The following E2F7 variants were observed in gnomAD, a reference collection of about 807,000 sequenced individuals.
E2F7 encodes transcription factor E2F7.
In E2F7, 35 loss-of-function variants were observed where a neutral mutation model predicts 81.1. That is an observed-to-expected ratio of 0.43 (90% CI 0.33 to 0.57). The LOEUF (loss-of-function observed/expected upper bound fraction) is 0.57, where lower values mean the gene tolerates loss of function less well. Ranked by LOEUF, E2F7 falls within the 20% of genes least tolerant of loss-of-function variation. E2F7 has a pLI of 0.04. For missense variants in E2F7, 961 were observed against 1,093.7 expected (o/e 0.88, Z 1.71); for synonymous variants, 416 against 416.2 (o/e 1.00, Z 0.01).
At chr12:77,024,544 A>G (rs962196443) in intron 12 of E2F7, among the ~76,000 whole-genome samples, 2 of 152,184 alleles carry the variant, frequency 1.3e-5, no homozygotes, top group African/African-American at 2.4e-5. Context: ...TAGGAATTAA[A>G]TAAGATAATT....
At position 77,055,985 on chromosome 12, in the gene E2F7, G is replaced by T; in HGVS notation, c.239C>A (p.Pro80Gln). The change falls in exon 3 of 13, where the codon CCA (proline) becomes CAA (glutamine). Residue 80 changes from proline to glutamine, a missense_variant. Pro to Gln is a moderately conservative substitution (Grantham distance 76). Around this residue, in one of 3 missense-constraint regions of E2F7, gnomAD observed 301 missense variants for 405.0 expected, o/e 0.74. Transcript: ENST00000322886. ...VKFVDRQQAE[P>Q]WTPTANLKML... ...CTTCAGGTTAGCTGTGGGTGTCCAT[G>T]GTTCCGCTTGCTGTCTGTCAACAAA... 1 of 1,614,176 alleles carries T rather than the reference G, an allele frequency of 6.2e-7. No individual in the cohort carries two copies. Among genetic ancestry groups the T allele is most frequent in the Non-Finnish European group, 8.5e-7 (1 of 1,180,032 alleles).
At chr12:77,051,512 A>G (rs1954988420) in intron 3 of E2F7, among the ~76,000 whole-genome samples, 1 of 152,176 alleles carries the variant, frequency 6.6e-6, no homozygotes, top group South Asian at 2.1e-4. Flanking sequence ...GGGGAGGGAT[A>G]GCATTAGGAG....
chr12:77,042,978 G>C, intron 7 of E2F7, 87 bp downstream of exon 7: 1 of 1,588,834 alleles, frequency 6.3e-7, no homozygotes, highest in Non-Finnish European at 8.6e-7. Flanking sequence ...AAAAAGATCA[G>C]TCTCACTGTG....
chr12:77,024,576 G>A (rs144898542), intron 12 of E2F7, among the ~76,000 whole-genome samples: 6 of 152,312 alleles, frequency 3.9e-5, no homozygotes, highest in Non-Finnish European at 8.8e-5. Flanking sequence ...TAGAGCATGT[G>A]AGGCCAACAT....
intron 10 of E2F7, among the ~76,000 whole-genome samples, chr12:77,029,241 C>A (rs1253691869): frequency 6.6e-6 from 1 of 152,182 alleles, no homozygotes; most frequent in Non-Finnish European, 1.5e-5. Flanking sequence ...CCCAGCCTAC[C>A]TACTGCAGAC....
At chr12:77,040,135 T>C (rs904052350) in intron 7 of E2F7, among the ~76,000 whole-genome samples, 1 of 152,218 alleles carries the variant, frequency 6.6e-6, no homozygotes, top group African/African-American at 2.4e-5. Flanking sequence ...CATAAGCTGA[T>C]CAATATATGA....
Position 77,023,365 on chromosome 12 carries a change from AC to A in E2F7, c.*649del, listed in dbSNP as rs1356498433. Reference sequence around the variant, plus strand: ...GTCATTCACAGTTATTTTGGTCTTGACATGTGTCATGTAGATACATTTATCC... The same window carrying A: ...GTCATTCACAGTTATTTTGGTCTTGAATGTGTCATGTAGATACATTTATCC... On this transcript the variant is annotated 3_prime_UTR_variant, in exon 13 of 13. Coordinates refer to ENST00000322886, the MANE Select transcript of E2F7 (RefSeq NM_203394.3). 2 of 152,658 alleles carry A rather than the reference AC, an allele frequency of 1.3e-5. No homozygotes were observed. The highest frequency in any genetic ancestry group is 4.8e-5 in the African/African-American group (2 of 41,436). The allele number at this position is 152,658 out of a possible 1,614,324, so 9.5% of individuals were successfully genotyped here.
At chr12:77,037,923 A>G (rs1399138920) in intron 7 of E2F7, among the ~76,000 whole-genome samples, 1 of 152,182 alleles carries the variant, frequency 6.6e-6, no homozygotes, top group Non-Finnish European at 1.5e-5. Context: ...ACTCACATTA[A>G]ATAGAGACAG....
At position 77,024,202 on chromosome 12, in the gene E2F7, G is replaced by A. The variant is rs1565891656; in HGVS notation, c.2566-17C>T. On this transcript the variant is annotated splice_polypyrimidine_tract_variant and intron_variant, in intron 12 of 12. Transcript: ENST00000322886. ...AACTGGTGACTGAAAAAAGAAAAAA[G>A]AAAAAACAGAAGTGAAGTCATATTG... 8 of 1,606,654 alleles carry A rather than the reference G, an allele frequency of 5.0e-6. No homozygotes were observed. In the Admixed American group the frequency reaches 5.2e-5, roughly 10 times the overall value.
chr12:77,051,604 T>C (rs1339720793), intron 3 of E2F7, among the ~76,000 whole-genome samples: 2 of 152,152 alleles, frequency 1.3e-5, no homozygotes, highest in African/African-American at 4.8e-5. Context: ...ACCTGCACAC[T>C]GTGCACATGT....
chr12:77,056,986 G>A (rs918460907), intron 2 of E2F7, among the ~76,000 whole-genome samples: 10 of 150,916 alleles, frequency 6.6e-5, no homozygotes, highest in Non-Finnish European at 1.0e-4. Flanking sequence ...TCCTGGGCAC[G>A]TGCAATCTTC....
At chr12:77,056,887 A>C (rs310793) in intron 2 of E2F7, among the ~76,000 whole-genome samples, 56,468 of 147,700 alleles carry the variant, frequency 0.38, 11,207 homozygotes, top group South Asian at 0.45. Context: ...TATTTTTCTT[A>C]CTTTTTTTTT....
Position 77,030,237 on chromosome 12 carries a change from C to T in E2F7, c.1478G>A (p.Cys493Tyr). Residue 493 changes from cysteine to tyrosine, a missense_variant, in exon 10 of 13, where the codon TGT becomes TAT. Coordinates refer to ENST00000322886, the MANE Select transcript of E2F7 (RefSeq NM_203394.3). Reference protein sequence around the residue: ...FPVLSVDPEYCVNPLAHPVFS... With the variant: ...FPVLSVDPEYYVNPLAHPVFS... ...TACTGGGTGGGCTAAAGGATTAACA[C>T]AATATTCTGGGTCAACAGAGAGGAC... 1.2e-6 allele frequency: 2 copies of T among 1,613,686 alleles called. No individual in the cohort carries two copies. The highest frequency in any genetic ancestry group is 1.7e-6 in the Non-Finnish European group (2 of 1,179,748).
chr12:77,046,313 C>A lies in E2F7; in HGVS notation c.554G>T (p.Arg185Leu). The change falls in exon 5 of 13, where the codon CGC (arginine) becomes CTC (leucine). Residue 185 changes from arginine (R) to leucine (L), a missense_variant. Arg to Leu is a moderately radical substitution (Grantham distance 102, BLOSUM62 -2). Transcript: ENST00000322886. ...CAGCACATTTACAATGTCATAGATG[C>A]GTCTCCTTTCCACACCTGTTTGAAA... The part of the protein sequence containing the change: ...VAVSLGVERR[R>L]IYDIVNVLES... The A allele has an allele frequency of 6.2e-7, 1 of 1,613,116 alleles. No individual in the cohort carries two copies. Among genetic ancestry groups the A allele is most frequent in the Non-Finnish European group, 8.5e-7 (1 of 1,179,314 alleles).
chr12:77,060,535 G>C (rs1262390475), intron 2 of E2F7, among the ~76,000 whole-genome samples: 1 of 152,006 alleles, frequency 6.6e-6, no homozygotes. Context: ...TATTAGCTCT[G>C]GGCCATATTT....
Position 77,033,124 on chromosome 12 carries a change from T to C in E2F7, c.1310-2A>G. On this transcript the variant is annotated splice_acceptor_variant, in intron 8 of 12. Coordinates refer to ENST00000322886, the MANE Select transcript of E2F7 (RefSeq NM_203394.3). LOFTEE classifies it high-confidence loss of function. ...TTTCTAAAGAGTAGCCACCTGATCC[T>C]GAAAAGGAAGATGAAGGCTTAACAA... 6.2e-7 allele frequency: 1 copy of C among 1,613,532 alleles called. No homozygotes were observed. The highest frequency in any genetic ancestry group is 1.1e-5 in the South Asian group (1 of 90,984).
At chr12:77,056,305 T>C (rs968277822) in intron 2 of E2F7, among the ~76,000 whole-genome samples, 175 bp from the exon 3 acceptor site, 7 of 152,132 alleles carry the variant, frequency 4.6e-5, no homozygotes, top group Admixed American at 4.6e-4. Flanking sequence ...GAAGAGTGGC[T>C]CCAATGAGAA....
In E2F7 at chr12:77,064,572, C is replaced by T; in HGVS notation, c.64G>A (p.Ala22Thr). 2 of 1,614,134 alleles carry T rather than the reference C, an allele frequency of 1.2e-6. No individual in the cohort carries two copies. The highest frequency in any genetic ancestry group is 1.7e-6 in the Non-Finnish European group (2 of 1,180,002). The change falls in exon 2 of 13, where the codon GCA (alanine) becomes ACA (threonine). Residue 22 changes from alanine to threonine, a missense_variant. Ala to Thr is a moderately conservative substitution (Grantham distance 58). Around this residue, in one of 3 missense-constraint regions of E2F7, gnomAD observed 73 missense variants for 68.4 expected, o/e 1.07. Transcript: ENST00000322886. ...ISPRQPRLDFAVEDGENAQKE... is the reference protein window; with the variant it reads ...ISPRQPRLDFTVEDGENAQKE... The stretch of plus-strand genomic sequence containing the variant: ...TGTGCATTTTCCCCATCTTCAACTG[C>T]AAAATCTAGTCTGGGCTGCCTGGGG...
At chr12:77,041,275 T>C (rs1179612526) in intron 7 of E2F7, among the ~76,000 whole-genome samples, 1 of 152,208 alleles carries the variant, frequency 6.6e-6, no homozygotes, top group Non-Finnish European at 1.5e-5. Flanking sequence ...CACTGCAACC[T>C]CCGCCTCCCT....
Sources: allele counts gnomAD v4.1 joint callset (sites outside exome capture counted in the v4.1 genomes callset), GRCh38; gene constraint gnomAD v4.1.1; regional missense constraint gnomAD v4.1.1; transcripts MANE v1.5; gene names NCBI Gene and HGNC (gene_info 2026-07-23, HGNC 2026-07-21).